The following MGAT4C variants were observed in gnomAD, a reference collection of about 807,000 sequenced individuals.
The protein encoded by MGAT4C is alpha-1,3-mannosyl-glycoprotein 4-beta-N-acetylglucosaminyltransferase C.
In MGAT4C, 19 loss-of-function variants were observed where a neutral mutation model predicts 40.1. The ratio of observed to expected loss-of-function variants is 0.47; its 90% CI spans 0.33 to 0.70. The LOEUF (loss-of-function observed/expected upper bound fraction) is 0.70, where lower values mean the gene tolerates loss of function less well. Among genes scored for constraint, MGAT4C ranks in the 30% least tolerant of loss-of-function variants. MGAT4C has a pLI of 0.02. For missense variants in MGAT4C, 491 were observed against 563.2 expected (o/e 0.87, Z 1.30); for synonymous variants, 181 against 187.1 (o/e 0.97, Z 0.27).
Position 86,531,044 on chromosome 12 carries a change from A to T in MGAT4C, c.-228-95779T>A, listed in dbSNP as rs1458139349. Among the ~76,000 whole-genome samples the T allele has an allele frequency of 2.0e-5, 3 of 152,220 alleles. No individual in the cohort carries two copies. In the East Asian group the frequency reaches 5.8e-4, roughly 29 times the overall value. On this transcript the variant is annotated intron_variant, in intron 2 of 7. Transcript: ENST00000548651. ...GCCCCCTCTATTATTCTCAAAAAGA[A>T]AGGGGCATTGGCCAACTACTCATGG...
In MGAT4C at chr12:86,774,352, TCC is replaced by T. The variant is rs1565981767; in HGVS notation, c.-261-47113_-261-47112del. On this transcript the variant is annotated intron_variant, in intron 1 of 7. Coordinates refer to the MGAT4C transcript ENST00000548651. ...CTTTCTTTCTTTCTGTCTCTCTCTCTCCCCTCTCTCTCTCTCTCTTTCTGTCT... is the reference window on the plus strand; with the variant it reads ...CTTTCTTTCTTTCTGTCTCTCTCTCTCCTCTCTCTCTCTCTCTTTCTGTCT... Among the ~76,000 whole-genome samples the T allele has an allele frequency of 1.1e-4, 6 of 55,652 alleles. 1 individual carries two copies. The highest frequency in any genetic ancestry group is 6.1e-4 in the East Asian group (1 of 1,646). 36.5% of individuals were successfully genotyped at this position (55,652 alleles called of 152,430 possible).
At chr12:86,495,804 T>A (rs1958225499) in intron 2 of MGAT4C, among the ~76,000 whole-genome samples, 1 of 152,048 alleles carries the variant, frequency 6.6e-6, no homozygotes, top group Non-Finnish European at 1.5e-5. Context: ...CATAATAGTT[T>A]CTTCCTCAAA....
chr12:86,320,721 C>CA (rs934373947), intron 4 of MGAT4C, among the ~76,000 whole-genome samples: 18 of 151,882 alleles, frequency 1.2e-4, no homozygotes, highest in African/African-American at 3.6e-4. Context: ...TACAGCCTCT[C>CA]AAAAAAACCC....
intron 2 of MGAT4C, among the ~76,000 whole-genome samples, chr12:86,461,513 G>A (rs1957601550): frequency 1.3e-5 from 2 of 152,152 alleles, no homozygotes; most frequent in Non-Finnish European, 2.9e-5. Flanking sequence ...CCAAAGTGCT[G>A]GGATTACAGG....
At chr12:86,444,314 C>T (rs1285628260) in intron 2 of MGAT4C, among the ~76,000 whole-genome samples, 1 of 152,138 alleles carries the variant, frequency 6.6e-6, no homozygotes. Flanking sequence ...TTGCCGGCTT[C>T]TTTTCCTCTG....
At chr12:86,120,537 G>A (rs4277182) in intron 1 of MGAT4C, among the ~76,000 whole-genome samples, 12 of 152,262 alleles carry the variant, frequency 7.9e-5, no homozygotes, top group African/African-American at 1.4e-4. Context: ...CCTCTGAGAC[G>A]AAGCTTCCAG....
intron 3 of MGAT4C, among the ~76,000 whole-genome samples, chr12:86,414,562 C>T (rs1431788926): frequency 6.7e-6 from 1 of 148,572 alleles, no homozygotes; most frequent in Non-Finnish European, 1.5e-5. Context: ...AACATGATTT[C>T]CTACCTGTAG....
intron 2 of MGAT4C, among the ~76,000 whole-genome samples, chr12:86,438,390 G>C (rs117801444): frequency 6.6e-6 from 1 of 151,918 alleles, no homozygotes; most frequent in Admixed American, 6.6e-5. Flanking sequence ...GATGCCCTCT[G>C]TATGACTTAA....
intron 1 of MGAT4C, among the ~76,000 whole-genome samples, chr12:86,078,813 T>G (rs1264754449): frequency 6.6e-6 from 1 of 152,190 alleles, no homozygotes; most frequent in Non-Finnish European, 1.5e-5. Context: ...AATGGGTCAT[T>G]CTATCCATTA....
intron 2 of MGAT4C, among the ~76,000 whole-genome samples, chr12:86,013,115 G>C (rs115718022): frequency 5.6e-4 from 85 of 152,312 alleles, no homozygotes; most frequent in African/African-American, 2.0e-3. Flanking sequence ...CTGGGCAAAA[G>C]AGAAGTAAGA....
At chr12:86,158,618 A>C (rs1885248279) in intron 1 of MGAT4C, among the ~76,000 whole-genome samples, 1 of 152,166 alleles carries the variant, frequency 6.6e-6, no homozygotes, top group Admixed American at 6.5e-5. Context: ...ACTGTAAACT[A>C]TTGCATATAA....
chr12:86,645,934 C>T (rs952905507), intron 2 of MGAT4C, among the ~76,000 whole-genome samples: 4 of 151,750 alleles, frequency 2.6e-5, no homozygotes, highest in African/African-American at 4.8e-5. Context: ...TAAAAGAATA[C>T]TTTTAATTAA....
At chr12:86,770,786 A>G (rs775266173) in intron 1 of MGAT4C, among the ~76,000 whole-genome samples, 2 of 152,140 alleles carry the variant, frequency 1.3e-5, no homozygotes, top group Non-Finnish European at 2.9e-5. Flanking sequence ...GAAAAAGGGA[A>G]AAAATAATAA....
intron 4 of MGAT4C, among the ~76,000 whole-genome samples, chr12:86,312,496 A>T (rs1225067020): frequency 6.6e-6 from 1 of 152,180 alleles, no homozygotes; most frequent in Non-Finnish European, 1.5e-5. Context: ...CTAAGTGATG[A>T]CCTTGGGCAA....
At chr12:86,437,514 T>C (rs1254007169) in intron 2 of MGAT4C, among the ~76,000 whole-genome samples, 1 of 151,922 alleles carries the variant, frequency 6.6e-6, no homozygotes. Context: ...AAATGACTTA[T>C]AGTATTTATT....
intron 1 of MGAT4C, among the ~76,000 whole-genome samples, chr12:86,105,849 GTTA>G (rs1876061105): frequency 6.6e-6 from 1 of 152,142 alleles, no homozygotes; most frequent in Admixed American, 6.5e-5. Flanking sequence ...GCCCCAAACA[GTTA>G]AACGCAATAT....
intron 3 of MGAT4C, 85 bp downstream of exon 3, chr12:85,989,315 G>C (rs781348692): frequency 7.8e-7 from 1 of 1,290,014 alleles, no homozygotes; most frequent in Non-Finnish European, 1.0e-6. Flanking sequence ...AATAGCTTGA[G>C]ATTGAAGTTA....
At chr12:86,713,089 G>T (rs561057146) in intron 2 of MGAT4C, among the ~76,000 whole-genome samples, 1 of 72,242 alleles carries the variant, frequency 1.4e-5, no homozygotes, top group South Asian at 6.0e-4. Flanking sequence ...AATACATAAG[G>T]CTGCACACAC....
At position 85,963,441 on chromosome 12, in the gene MGAT4C, C is replaced by T. The variant is rs944145011; in HGVS notation, c.*15848G>A. 6 of 151,908 alleles carry T rather than the reference C, an allele frequency of 3.9e-5. No homozygotes were observed. Among genetic ancestry groups the T allele is most frequent in the African/African-American group, 1.2e-4 (5 of 41,408 alleles). The allele number at this position is 151,908 out of a possible 1,614,324, so 9.4% of individuals were successfully genotyped here. ...AAATTTACCCACATAGGAACACACACACATACACACAGACACACACAGAGT... is the reference window on the plus strand; with the variant it reads ...AAATTTACCCACATAGGAACACACATACATACACACAGACACACACAGAGT... On this transcript the variant is annotated 3_prime_UTR_variant, in exon 5 of 5. Coordinates refer to ENST00000611864, the MANE Select transcript of MGAT4C (RefSeq NM_001351288.2).
Sources: gnomAD v4.1 joint callset for allele counts (sites outside exome capture counted in the v4.1 genomes callset) on GRCh38, gnomAD v4.1.1 for gene constraint, MANE v1.5 for transcripts, NCBI Gene and HGNC (gene_info 2026-07-23, HGNC 2026-07-21) for gene names.